The following RNF43 variants were observed in gnomAD, a reference collection of about 807,000 sequenced individuals.
RNF43 encodes the protein E3 ubiquitin-protein ligase RNF43.
Under a neutral mutation model 78.4 loss-of-function variants are expected in RNF43, and 37 were observed. The observed-to-expected ratio is 0.47, with a 90% confidence interval of 0.36 to 0.62. RNF43 has a LOEUF of 0.62. Among genes scored for constraint, RNF43 ranks in the 20% least tolerant of loss-of-function variants. RNF43 has a pLI of 0.00. For missense variants in RNF43, 774 were observed against 1,007.9 expected (o/e 0.77, Z 3.14); for synonymous variants, 347 against 395.0 (o/e 0.88, Z 1.44).
intron 2 of RNF43, chr17:58,394,908 T>C (rs796616935): frequency 3.3e-5 from 5 of 152,276 alleles, no homozygotes; most frequent in African/African-American, 1.2e-4. Flanking sequence ...ACTTTCAGGG[T>C]TGTGAAAATC....
rs902248948 is a variant in RNF43 at position 58,417,431 on chromosome 17, C to T, written c.-800G>A. 2 of 152,168 alleles carry T rather than the reference C, an allele frequency of 1.3e-5. No homozygotes were observed. The highest frequency in any genetic ancestry group is 4.8e-5 in the African/African-American group (2 of 41,430). The allele number at this position is 152,168 out of a possible 1,614,324, so 9.4% of individuals were successfully genotyped here. ...ATTCACTATCAGAAACACATAAAAT[C>T]CCAGAGAGAGAGAAGGCAGTATCTC... On this transcript the variant is annotated 5_prime_UTR_variant, in exon 1 of 10. Coordinates refer to ENST00000407977, the MANE Select transcript of RNF43 (RefSeq NM_017763.6).
At position 58,371,053 on chromosome 17, in the gene RNF43, T is replaced by A; in HGVS notation, c.253-20A>T. ...GTGGGACTGCAGAGAGAGACAGACT[T>A]GGGTTAGGGAGGCTTTAGGCAGCAG... On this transcript the variant is annotated intron_variant, in intron 2 of 9. Transcript: ENST00000407977. 6.5e-7 allele frequency: 1 copy of A among 1,550,144 alleles called. No individual in the cohort carries two copies. The highest frequency in any genetic ancestry group is 2.3e-5 in the East Asian group (1 of 43,764).
At chr17:58,387,323 G>A (rs1401048211) in intron 2 of RNF43, among the ~76,000 whole-genome samples, 2 of 152,114 alleles carry the variant, frequency 1.3e-5, no homozygotes, top group East Asian at 3.8e-4. Context: ...ATTTACATGA[G>A]AACATATTTG....
Position 58,405,081 on chromosome 17 carries a change from T to C in RNF43, c.252+10245A>G, listed in dbSNP as rs1032482745. On this transcript the variant is annotated intron_variant, in intron 2 of 9. Coordinates refer to ENST00000407977, the MANE Select transcript of RNF43 (RefSeq NM_017763.6). ...GTTGTAGTACTTCTTTTTTTTTTTT[T>C]TTTTTTTTTTTTTTGAGACAGAGTC... is the stretch of plus-strand genomic sequence containing the variant. Among the ~76,000 whole-genome samples, 3 of 136,908 alleles carry C rather than the reference T, an allele frequency of 2.2e-5. No homozygotes were observed. The East Asian group carries it at 6.1e-4, about 28-fold the overall frequency. The allele number at this position is 136,908 out of a possible 152,430, so 89.8% of individuals were successfully genotyped here.
At chr17:58,383,988 C>G (rs1973379218) in intron 2 of RNF43, among the ~76,000 whole-genome samples, 1 of 152,156 alleles carries the variant, frequency 6.6e-6, no homozygotes, top group South Asian at 2.1e-4. Flanking sequence ...CTTCAGCTTC[C>G]CGGCAGCTTG....
intron 2 of RNF43, among the ~76,000 whole-genome samples, chr17:58,394,629 G>A (rs1031297240): frequency 2.6e-5 from 4 of 152,152 alleles, no homozygotes; most frequent in Admixed American, 2.6e-4. Context: ...TGTAAAAGAG[G>A]TTAACAGACA....
In RNF43 at chr17:58,368,712, C is replaced by CAA. The variant is rs71365882; in HGVS notation, c.375+2197_375+2198dup. Among the ~76,000 whole-genome samples, 6 of 95,846 alleles carry CAA rather than the reference C, an allele frequency of 6.3e-5. No individual in the cohort carries two copies. In the East Asian group the frequency reaches 1.1e-3, roughly 18 times the overall value. The allele number at this position is 95,846 out of a possible 152,430, so 62.9% of individuals were successfully genotyped here. A position where few individuals can be genotyped will look rare whatever the true frequency, so the allele number is the denominator to read the frequency against. On this transcript the variant is annotated intron_variant, in intron 3 of 9. Transcript: ENST00000407977. ...TGGGCAACAGAGCAAGACTCTGTCTCAAAAAAAAAAAAAAAGAAAAAAGAA... is the reference window on the plus strand; with the variant it reads ...TGGGCAACAGAGCAAGACTCTGTCTCAAAAAAAAAAAAAAAAAGAAAAAAGAA...
intron 2 of RNF43, among the ~76,000 whole-genome samples, chr17:58,376,441 C>A (rs892301624): frequency 2.0e-5 from 3 of 152,104 alleles, no homozygotes; most frequent in African/African-American, 7.2e-5. Context: ...CAATCATACT[C>A]ATTATACTTT....
At chr17:58,371,735 C>T (rs1973101202) in intron 2 of RNF43, among the ~76,000 whole-genome samples, 1 of 152,206 alleles carries the variant, frequency 6.6e-6, no homozygotes, top group Non-Finnish European at 1.5e-5. Flanking sequence ...AGGAATGATG[C>T]CGTGGAGGTG....
At chr17:58,369,093 GCA>G (rs151337733) in intron 3 of RNF43, among the ~76,000 whole-genome samples, 46 of 144,562 alleles carry the variant, frequency 3.2e-4, no homozygotes, top group African/African-American at 8.2e-4. Flanking sequence ...ACACACACAC[GCA>G]CACACACACA....
rs934232728 is a variant in RNF43 at position 58,415,896 on chromosome 17, C to G, written c.-319G>C. 15 of 430,284 alleles carry G rather than the reference C, an allele frequency of 3.5e-5. No individual in the cohort carries two copies. The highest frequency in any genetic ancestry group is 6.4e-5 in the Non-Finnish European group (15 of 234,478). 26.7% of individuals were successfully genotyped at this position (430,284 alleles called of 1,614,324 possible). A position where few individuals can be genotyped will look rare whatever the true frequency, so the allele number is the denominator to read the frequency against. ...CAACTTTGCTTGTGATTGAATGTCA[C>G]TTCGTGAATTTGTATTATGTCAGAT... On this transcript the variant is annotated 5_prime_UTR_variant, in exon 2 of 10. Transcript: ENST00000407977.
downstream of RNF43, chr17:58,353,523 T>C: frequency 4.9e-6 from 1 of 202,230 alleles, no homozygotes; most frequent in Non-Finnish European, 1.0e-5. Context: ...AACCAGTTCT[T>C]ATTGCCAAGC....
rs62636626 is a variant in RNF43, at chr17:58,358,071, G to A, written c.1705C>T (p.Pro569Ser). The stretch of plus-strand genomic sequence containing the variant: ...TGGGGGACTCCGGTTTCTGGGCCAG[G>A]CTTCCTGCCATGCCACTGGAACCGC... Reference protein sequence around the residue: ...KKRFQWHGRKPGPETGVPQSR... With the variant: ...KKRFQWHGRKSGPETGVPQSR... The change falls in exon 9 of 10, where the codon CCT (proline) becomes TCT (serine). Residue 569 changes from proline to serine, a missense_variant. Physicochemically the swap from Pro to Ser is moderately conservative, Grantham distance 74. Coordinates refer to ENST00000407977, the MANE Select transcript of RNF43 (RefSeq NM_017763.6). The surrounding 1 kb of genome is among the most constrained non-coding windows in gnomAD (Gnocchi z 6.2). 3.8e-4 allele frequency: 602 copies of A among 1,597,282 alleles called. 2 individuals carry two copies. The highest frequency in any genetic ancestry group is 5.0e-4 in the Non-Finnish European group (585 of 1,171,718).
chr17:58,385,690 C>T (rs1188959365), intron 2 of RNF43, among the ~76,000 whole-genome samples: 3 of 152,214 alleles, frequency 2.0e-5, no homozygotes, highest in Non-Finnish European at 4.4e-5. Flanking sequence ...CCTATCAAAT[C>T]AAGGCCTCGG....
intron 2 of RNF43, among the ~76,000 whole-genome samples, chr17:58,413,712 T>G (rs1355837299): frequency 6.6e-6 from 1 of 152,226 alleles, no homozygotes; most frequent in Admixed American, 6.5e-5. Flanking sequence ...TGGTGCTGTT[T>G]GTTTACTTTT....
intron 2 of RNF43, among the ~76,000 whole-genome samples, chr17:58,372,509 G>T (rs1973121117): frequency 6.6e-6 from 1 of 152,196 alleles, no homozygotes; most frequent in Non-Finnish European, 1.5e-5. Flanking sequence ...TCAACAAGCT[G>T]CATTAGTCTC....
chr17:58,357,131 G>C lies in RNF43; in HGVS notation c.2308+337C>G, dbSNP rs1163889512. On this transcript the variant is annotated intron_variant, in intron 9 of 9. Transcript: ENST00000407977. This position sits in a 1 kb window ranked among gnomAD's most constrained non-coding sequence, Gnocchi z 4.5. ...TTGGTCTTGAACTCCTGGCCTCAAG[G>C]GATCCACCCACCTAGGCCTCCCAAA... 1 of 682,062 alleles carries C rather than the reference G, an allele frequency of 1.5e-6. No homozygotes were observed. Among genetic ancestry groups the C allele is most frequent in the Admixed American group, 2.0e-5 (1 of 49,120 alleles). 42.3% of individuals were successfully genotyped at this position (682,062 alleles called of 1,614,324 possible).
chr17:58,408,677 T>C (rs1412623311), intron 2 of RNF43, among the ~76,000 whole-genome samples: 4 of 152,178 alleles, frequency 2.6e-5, no homozygotes, highest in African/African-American at 7.2e-5. Context: ...TAAAGGAACA[T>C]AGCCTGCTAT....
intron 3 of RNF43, among the ~76,000 whole-genome samples, chr17:58,363,992 C>T (rs369249205): frequency 6.6e-6 from 1 of 152,122 alleles, no homozygotes; most frequent in Non-Finnish European, 1.5e-5. Context: ...GACCTGCACC[C>T]CTTAGAAGGA....
Sources: allele counts gnomAD v4.1 joint callset (sites outside exome capture counted in the v4.1 genomes callset), GRCh38; gene constraint gnomAD v4.1.1; non-coding constraint Gnocchi (gnomAD v3.1); transcripts MANE v1.5; gene names NCBI Gene and HGNC (gene_info 2026-07-23, HGNC 2026-07-21).